CSMD1: variants seen among roughly 807,000 people sequenced by gnomAD.
CSMD1 encodes the protein CUB and Sushi multiple domains 1.
A neutral mutation model predicts 417.5 loss-of-function variants in CSMD1; 213 were observed. The observed-to-expected ratio is 0.51, with a 90% CI of 0.46 to 0.57. The LOEUF (loss-of-function observed/expected upper bound fraction) is 0.57, where lower values mean the gene tolerates loss of function less well. Among genes scored for constraint, CSMD1 ranks in the 20% least tolerant of loss-of-function variants. The pLI is 0.00. For synonymous variants in CSMD1, 2,862 were observed against 1,736.8 expected (o/e 1.65, Z -16.11); for missense variants, 6,923 against 4,529.7 (o/e 1.53, Z -15.17).
At chr8:4,795,480 C>T (rs1440058675) in intron 1 of CSMD1, among the ~76,000 whole-genome samples, 1 of 151,522 alleles carries the variant, frequency 6.6e-6, no homozygotes, top group Non-Finnish European at 1.5e-5. Context: ...CCGTGTTAGC[C>T]AGGATGGTCT....
At chr8:3,840,833 G>A (rs867395725) in intron 5 of CSMD1, among the ~76,000 whole-genome samples, 4 of 151,288 alleles carry the variant, frequency 2.6e-5, no homozygotes, top group African/African-American at 4.8e-5. Context: ...GTAGCTGGGC[G>A]CCTGCCACTA....
intron 2 of CSMD1, among the ~76,000 whole-genome samples, chr8:4,472,290 G>T (rs186969027): frequency 1.2e-3 from 186 of 152,158 alleles, no homozygotes; most frequent in African/African-American, 4.2e-3. Context: ...AATTAAAAAA[G>T]TAAAGCTCTA....
At chr8:3,417,706 C>A (rs1303477165) in intron 12 of CSMD1, among the ~76,000 whole-genome samples, 1 of 152,066 alleles carries the variant, frequency 6.6e-6, no homozygotes, top group African/African-American at 2.4e-5. Flanking sequence ...CACACTGTGC[C>A]TGCTCTTAGA....
chr8:3,026,141 C>G (rs914210380), intron 51 of CSMD1, among the ~76,000 whole-genome samples: 2 of 152,140 alleles, frequency 1.3e-5, no homozygotes, highest in Non-Finnish European at 1.5e-5. Context: ...AAGCCCTTAT[C>G]AGGAACTAAG....
At chr8:4,530,969 C>T (rs953746428) in intron 2 of CSMD1, among the ~76,000 whole-genome samples, 2 of 152,066 alleles carry the variant, frequency 1.3e-5, no homozygotes, top group East Asian at 3.9e-4. Context: ...GAGCCATACC[C>T]TCCGGCACCA....
At chr8:4,536,719 T>C (rs1351757784) in intron 2 of CSMD1, among the ~76,000 whole-genome samples, 2 of 152,236 alleles carry the variant, frequency 1.3e-5, no homozygotes, top group Non-Finnish European at 2.9e-5. Flanking sequence ...TTTGAGTATA[T>C]GCCACTTTTA....
intron 12 of CSMD1, among the ~76,000 whole-genome samples, chr8:3,427,576 C>A (rs1189211444): frequency 6.6e-6 from 1 of 152,082 alleles, no homozygotes; most frequent in Non-Finnish European, 1.5e-5. Flanking sequence ...TATTTCAAAT[C>A]TATGAGATAT....
chr8:3,954,439 T>C (rs1811799047), intron 5 of CSMD1, among the ~76,000 whole-genome samples: 1 of 152,144 alleles, frequency 6.6e-6, no homozygotes, highest in Admixed American at 6.5e-5. Context: ...TGATCTCAGC[T>C]CACTGCAACC....
intron 2 of CSMD1, among the ~76,000 whole-genome samples, chr8:4,599,718 C>A (rs922939207): frequency 1.3e-5 from 2 of 152,164 alleles, no homozygotes; most frequent in African/African-American, 4.8e-5. Context: ...GTCATAGCAA[C>A]CACTAACCAG....
At chr8:3,654,763 G>C (rs1798020796) in intron 7 of CSMD1, among the ~76,000 whole-genome samples, 1 of 152,152 alleles carries the variant, frequency 6.6e-6, no homozygotes. Context: ...AGCTGAACGG[G>C]GTAGGACTGG....
chr8:3,306,721 CCACTT>C (rs1178078335), intron 25 of CSMD1, among the ~76,000 whole-genome samples: 14 of 152,098 alleles, frequency 9.2e-5, no homozygotes, highest in African/African-American at 2.9e-4. Flanking sequence ...GACTGTGTGT[CCACTT>C]CATTTTAAAC....
intron 11 of CSMD1, among the ~76,000 whole-genome samples, chr8:3,481,172 A>C (rs1488402629): frequency 6.6e-6 from 1 of 150,510 alleles, no homozygotes; most frequent in South Asian, 2.1e-4. Flanking sequence ...AAAAAAAAAA[A>C]AAAAAAACCA....
chr8:3,106,743 C>A lies in CSMD1; in HGVS notation c.6836-102G>T, dbSNP rs981202612. On this transcript the variant is annotated intron_variant, in intron 45 of 69. Transcript: ENST00000635120. Reference sequence around the variant, plus strand: ...TACTTAAATGAATTAAATCAACTTGCAAATCTTTTTAGAAACTATGTCTGT... The same window carrying A: ...TACTTAAATGAATTAAATCAACTTGAAAATCTTTTTAGAAACTATGTCTGT... 10 of 563,818 alleles carry A rather than the reference C, an allele frequency of 1.8e-5. No individual in the cohort carries two copies. In the East Asian group the frequency reaches 3.0e-4, roughly 17 times the overall value. The allele number at this position is 563,818 out of a possible 1,614,324, so 34.9% of individuals were successfully genotyped here. A position where few individuals can be genotyped will look rare whatever the true frequency, so the allele number is the denominator to read the frequency against.
intron 5 of CSMD1, among the ~76,000 whole-genome samples, chr8:3,767,530 C>T (rs560314757): frequency 6.6e-6 from 1 of 152,324 alleles, no homozygotes; most frequent in East Asian, 1.9e-4. Context: ...TGCTCTGATC[C>T]TCACTTTATC....
At chr8:4,118,039 T>A (rs1802260699) in intron 3 of CSMD1, among the ~76,000 whole-genome samples, 1 of 151,308 alleles carries the variant, frequency 6.6e-6, no homozygotes, top group African/African-American at 2.4e-5. Flanking sequence ...AGCCTCTTAG[T>A]CATCAGGGAA....
At chr8:4,249,919 G>A (rs529820567) in intron 3 of CSMD1, among the ~76,000 whole-genome samples, 2 of 152,152 alleles carry the variant, frequency 1.3e-5, no homozygotes, top group East Asian at 1.9e-4. Context: ...GAGCTCCTGG[G>A]AAGTGTTTAG....
At chr8:3,253,678 G>T (rs185281434) in intron 26 of CSMD1, among the ~76,000 whole-genome samples, 2 of 152,174 alleles carry the variant, frequency 1.3e-5, no homozygotes, top group Admixed American at 1.3e-4. Flanking sequence ...CTCTTTGTAG[G>T]TCTCTAAGGA....
chr8:3,075,280 C>CTTTT (rs567862698), intron 49 of CSMD1, among the ~76,000 whole-genome samples: 1 of 39,386 alleles, frequency 2.5e-5, no homozygotes, highest in Non-Finnish European at 7.7e-5. Context: ...TTCTTTCTTT[C>CTTTT]TTTTTTTTTT....
At chr8:4,981,296 G>A (rs1196409394) in intron 1 of CSMD1, among the ~76,000 whole-genome samples, 2 of 152,158 alleles carry the variant, frequency 1.3e-5, no homozygotes, top group South Asian at 4.1e-4. Flanking sequence ...ATGAGAGAGG[G>A]GGCTACAGTG....
Sources: allele counts gnomAD v4.1 joint callset (sites outside exome capture counted in the v4.1 genomes callset), GRCh38; gene constraint gnomAD v4.1.1; transcripts MANE v1.5; gene names NCBI Gene and HGNC (gene_info 2026-07-23, HGNC 2026-07-21).